ZMAT4: variants seen among roughly 807,000 people sequenced by gnomAD.
The protein encoded by ZMAT4 is zinc finger matrin-type 4, also known as zinc finger matrin-type protein 4.
In ZMAT4, 17 loss-of-function variants were observed where a neutral mutation model predicts 28.7. That is an observed-to-expected ratio of 0.59 (90% CI 0.41 to 0.89). The LOEUF (loss-of-function observed/expected upper bound fraction) is 0.89, where lower values mean the gene tolerates loss of function less well. Among genes scored for constraint, ZMAT4 ranks in the 40% least tolerant of loss-of-function variants. ZMAT4 has a pLI of 0.00. For synonymous variants in ZMAT4, 117 were observed against 109.2 expected (o/e 1.07, Z -0.44); for missense variants, 240 against 283.8 (o/e 0.85, Z 1.11).
chr8:40,684,194 A>T (rs72639675), intron 4 of ZMAT4, among the ~76,000 whole-genome samples: 1 of 152,182 alleles, frequency 6.6e-6, no homozygotes, highest in South Asian at 2.1e-4. Flanking sequence ...CAAAAGAAAA[A>T]GAAAAGTACA....
intron 3 of ZMAT4, among the ~76,000 whole-genome samples, chr8:40,729,900 T>C (rs1396082151): frequency 6.6e-6 from 1 of 152,142 alleles, no homozygotes; most frequent in Non-Finnish European, 1.5e-5. Flanking sequence ...TATTTCTTTC[T>C]TGAAGCCTCA....
intron 6 of ZMAT4, among the ~76,000 whole-genome samples, chr8:40,564,436 G>A (rs764694175): frequency 2.6e-5 from 4 of 152,038 alleles, no homozygotes; most frequent in East Asian, 1.9e-4. Context: ...TTTCAGTCTC[G>A]GGCCACCCCC....
intron 5 of ZMAT4, among the ~76,000 whole-genome samples, chr8:40,646,985 A>G (rs1334885956): frequency 2.0e-5 from 3 of 152,246 alleles, no homozygotes; most frequent in East Asian, 1.9e-4. Context: ...GAAATGGATT[A>G]AAATCAGATA....
intron 5 of ZMAT4, among the ~76,000 whole-genome samples, chr8:40,628,489 C>CT (rs2118715370): frequency 6.6e-6 from 1 of 152,274 alleles, no homozygotes; most frequent in South Asian, 2.1e-4. Context: ...GGTCATACTG[C>CT]TAATAACACA....
intron 6 of ZMAT4, among the ~76,000 whole-genome samples, chr8:40,579,424 T>A (rs778520583): frequency 1.3e-5 from 2 of 152,268 alleles, no homozygotes; most frequent in South Asian, 4.2e-4. Flanking sequence ...ATGAGCAGTA[T>A]CCGATAATTA....
intron 3 of ZMAT4, among the ~76,000 whole-genome samples, chr8:40,746,247 CCCTCCCTCCCTCCCTCCCTT>C (rs1266298649): frequency 1.1e-4 from 13 of 119,776 alleles, no homozygotes; most frequent in African/African-American, 1.9e-4. Flanking sequence ...CTCCCTCCCT[CCCTCCCTCCCTCCCTCCCTT>C]CCTTCCTTTC....
At chr8:40,558,499 T>C (rs1160986913) in intron 6 of ZMAT4, among the ~76,000 whole-genome samples, 4 of 151,962 alleles carry the variant, frequency 2.6e-5, no homozygotes, top group African/African-American at 9.7e-5. Flanking sequence ...AACTGGCTTA[T>C]GGACAGATGT....
At chr8:40,668,106 G>C (rs186977140) in intron 5 of ZMAT4, among the ~76,000 whole-genome samples, 1 of 152,082 alleles carries the variant, frequency 6.6e-6, no homozygotes, top group African/African-American at 2.4e-5. Flanking sequence ...GCAAGGGAAG[G>C]TTCGATAATA....
intron 6 of ZMAT4, among the ~76,000 whole-genome samples, chr8:40,534,464 T>C: frequency 6.6e-6 from 1 of 152,098 alleles, no homozygotes; most frequent in East Asian, 1.9e-4. Context: ...AAGAAAGGCA[T>C]AGGGAAAAAA....
At chr8:40,796,141 A>G (rs1244507467) in intron 2 of ZMAT4, among the ~76,000 whole-genome samples, 3 of 152,150 alleles carry the variant, frequency 2.0e-5, no homozygotes, top group Non-Finnish European at 4.4e-5. Context: ...TTTCCGCTCC[A>G]TATTTAACCG....
At chr8:40,589,172 T>C (rs931483637) in intron 5 of ZMAT4, among the ~76,000 whole-genome samples, 2 of 152,176 alleles carry the variant, frequency 1.3e-5, no homozygotes, top group African/African-American at 4.8e-5. Context: ...TACCCCATTT[T>C]CCCATTTACT....
intron 1 of ZMAT4, among the ~76,000 whole-genome samples, chr8:40,868,530 A>G (rs994349736): frequency 5.9e-5 from 9 of 152,136 alleles, no homozygotes; most frequent in Non-Finnish European, 1.3e-4. Flanking sequence ...AAGTCCACCC[A>G]CCACAGACTG....
intron 6 of ZMAT4, among the ~76,000 whole-genome samples, chr8:40,555,355 ATGGTAG>A (rs1803500942): frequency 6.6e-6 from 1 of 152,140 alleles, no homozygotes; most frequent in African/African-American, 2.4e-5. Context: ...TCTAGATCAT[ATGGTAG>A]TTCTATTTTT....
chr8:40,802,161 C>A (rs543698685), intron 2 of ZMAT4, among the ~76,000 whole-genome samples: 2 of 152,306 alleles, frequency 1.3e-5, no homozygotes, highest in East Asian at 1.9e-4. Flanking sequence ...TTGCTAAGAT[C>A]AGAAAAAGAC....
At chr8:40,655,016 G>C (rs1182481730) in intron 5 of ZMAT4, among the ~76,000 whole-genome samples, 1 of 148,638 alleles carries the variant, frequency 6.7e-6, no homozygotes, top group Non-Finnish European at 1.5e-5. Flanking sequence ...CTCTCTATTG[G>C]GAGATAACAT....
chr8:40,837,377 C>A (rs1033916225), intron 1 of ZMAT4, among the ~76,000 whole-genome samples: 2 of 152,116 alleles, frequency 1.3e-5, no homozygotes, highest in Non-Finnish European at 2.9e-5. Context: ...TTTCCCCAAC[C>A]CCTGGTGCCC....
intron 5 of ZMAT4, among the ~76,000 whole-genome samples, chr8:40,649,780 A>G (rs1256608492): frequency 2.6e-5 from 4 of 152,118 alleles, no homozygotes; most frequent in South Asian, 4.1e-4. Context: ...CTCACTCAAA[A>G]CCGCTCAACT....
rs191026884 is a variant in ZMAT4, at chr8:40,843,761, C to T, written c.-4-18081G>A. On this transcript the variant is annotated intron_variant, in intron 1 of 6. Transcript: ENST00000297737. Reference sequence around the variant, plus strand: ...CCACTCTCTGCAGAATGTGTGCATGCAAGTCATCACTACATCCTGGTGGCA... The same window carrying T: ...CCACTCTCTGCAGAATGTGTGCATGTAAGTCATCACTACATCCTGGTGGCA... 1.5e-3 allele frequency among the ~76,000 whole-genome samples: 235 copies of T among 152,276 alleles called. 1 individual carries two copies. The highest frequency in any genetic ancestry group is 4.9e-3 in the African/African-American group (205 of 41,542).
At chr8:40,862,913 T>C (rs566728273) in intron 1 of ZMAT4, among the ~76,000 whole-genome samples, 54 of 151,938 alleles carry the variant, frequency 3.6e-4, no homozygotes, top group Non-Finnish European at 5.9e-4. Context: ...GGCACATGTA[T>C]ACATATGTAA....
Sources: allele counts gnomAD v4.1 joint callset (sites outside exome capture counted in the v4.1 genomes callset), GRCh38; gene constraint gnomAD v4.1.1; transcripts MANE v1.5; gene names NCBI Gene and HGNC (gene_info 2026-07-23, HGNC 2026-07-21).